The following RAP1A variants were observed in gnomAD, a reference collection of about 807,000 sequenced individuals.
RAP1A encodes the protein RAP1A, member of RAS oncogene family.
A neutral mutation model predicts 26.4 loss-of-function variants in RAP1A; 6 were observed. That is an observed-to-expected ratio of 0.23 (90% confidence interval 0.12 to 0.45). RAP1A has a LOEUF of 0.45. Among genes scored for constraint, RAP1A ranks in the 20% least tolerant of loss-of-function variants. The pLI, the probability that RAP1A is intolerant of heterozygous loss-of-function variation, is 0.99. For missense variants in RAP1A, 121 were observed against 217.2 expected, an observed-to-expected ratio of 0.56 and a Z score of 2.78; for synonymous variants, 73 against 79.4, an observed-to-expected ratio of 0.92 and a Z score of 0.43.
At chr1:111,542,684 GTTTTTGTTTTTGT>G (rs1656879791) in intron 1 of RAP1A, among the ~76,000 whole-genome samples, 1 of 43,760 alleles carries the variant, frequency 2.3e-5, no homozygotes, top group Non-Finnish European at 7.0e-5. Flanking sequence ...ACTTGTCTTT[GTTTTTGTTTTTGT>G]TTTTTTTTTC....
chr1:111,678,602 T>C (rs1312580101), intron 1 of RAP1A, among the ~76,000 whole-genome samples: 1 of 152,236 alleles, frequency 6.6e-6, no homozygotes, highest in East Asian at 1.9e-4. Flanking sequence ...CATATTACTG[T>C]ACAGAATACT....
intron 1 of RAP1A, among the ~76,000 whole-genome samples, chr1:111,643,987 T>A (rs1229437811): frequency 6.6e-6 from 1 of 152,258 alleles, no homozygotes; most frequent in East Asian, 1.9e-4. Context: ...CAGCGAAACC[T>A]GAGTTTTGCT....
intron 1 of RAP1A, among the ~76,000 whole-genome samples, chr1:111,612,249 T>C (rs1029712813): frequency 6.6e-6 from 1 of 152,210 alleles, no homozygotes; most frequent in Non-Finnish European, 1.5e-5. Flanking sequence ...CAGCTGTGTC[T>C]TGCCTGGTGC....
At chr1:111,645,980 A>C (rs1248541923) in intron 1 of RAP1A, among the ~76,000 whole-genome samples, 1 of 152,234 alleles carries the variant, frequency 6.6e-6, no homozygotes, top group African/African-American at 2.4e-5. Context: ...TTTTCCTCAG[A>C]TTACACACAC....
At chr1:111,607,713 G>T (rs1285040825) in intron 1 of RAP1A, among the ~76,000 whole-genome samples, 1 of 133,212 alleles carries the variant, frequency 7.5e-6, no homozygotes. Flanking sequence ...CCTCCCTCCC[G>T]GACGGGGCGG....
Position 111,671,589 on chromosome 1 carries a change from C to T in RAP1A, c.-27-19745C>T, listed in dbSNP as rs539226997. Among the ~76,000 whole-genome samples, 3 of 152,254 alleles carry T rather than the reference C, an allele frequency of 2.0e-5. No homozygotes were observed. The East Asian group carries it at 5.8e-4, about 29-fold the overall frequency. ...TCCCTGGTTCAAGCGATTCTTGTGC[C>T]TCAGCCTCCCGGGTAGCTGGGATTA... On this transcript the variant is annotated intron_variant, in intron 1 of 7. Transcript: ENST00000369709.
At chr1:111,644,355 G>T (rs1660000712) in intron 1 of RAP1A, among the ~76,000 whole-genome samples, 1 of 152,126 alleles carries the variant, frequency 6.6e-6, no homozygotes, top group East Asian at 1.9e-4. Flanking sequence ...AGGGACCTAG[G>T]TAATAGTAAG....
chr1:111,677,542 T>C (rs1485566938), intron 1 of RAP1A, among the ~76,000 whole-genome samples: 3 of 152,214 alleles, frequency 2.0e-5, no homozygotes, highest in South Asian at 2.1e-4. Flanking sequence ...GCTGCAGATA[T>C]TTGTTTTAAG....
chr1:111,648,691 C>A, intron 1 of RAP1A: 1 of 556,842 alleles, frequency 1.8e-6, no homozygotes, highest in Non-Finnish European at 3.4e-6. Context: ...TGTCTCAGCT[C>A]TGTGAGCGTC....
rs950348999 is a variant in RAP1A at position 111,564,058 on chromosome 1, G to C, written c.-28+21549G>C. On this transcript the variant is annotated intron_variant, in intron 1 of 7. Transcript: ENST00000356415. ...GAGAACCAGGAATTCCCTGTTTTGG[G>C]GGGTAGAGAATTGGACATACTCATA... 2.7e-5 allele frequency: 22 copies of C among 815,518 alleles called. No individual in the cohort carries two copies. In the Admixed American group the frequency reaches 3.3e-4, roughly 12 times the overall value. 50.5% of individuals were successfully genotyped at this position (815,518 alleles called of 1,614,324 possible). A position where few individuals can be genotyped will look rare whatever the true frequency, so the allele number is the denominator to read the frequency against.
At position 111,716,328 on chromosome 1, in the gene RAP1A, A is replaced by G. The variant is rs1662541133; in HGVS notation, c.*3927A>G. On this transcript the variant is annotated 3_prime_UTR_variant, in exon 8 of 8. Transcript: ENST00000369709. ...TGTAAAAACTGTAAGTTATTCTTGA[A>G]AATGTAGTCCAGACATTTCTTTGAT... 6.6e-6 allele frequency: 1 copy of G among 152,224 alleles called. No homozygotes were observed. The allele number at this position is 152,224 out of a possible 1,614,324, so 9.4% of individuals were successfully genotyped here. A position where few individuals can be genotyped will look rare whatever the true frequency, so the allele number is the denominator to read the frequency against.
rs1011045000 is a variant in RAP1A, at chr1:111,699,857, C to A, written c.183+2360C>A. On this transcript the variant is annotated intron_variant, in intron 4 of 7. Coordinates refer to ENST00000369709, the MANE Select transcript of RAP1A (RefSeq NM_002884.4). ...TTTTATTATCCCTTATATCTTCAAC[C>A]CCCTCTGCATATAGCTTCAGGTCCA... 2.6e-5 allele frequency among the ~76,000 whole-genome samples: 4 copies of A among 152,228 alleles called. No homozygotes were observed. The South Asian group carries it at 8.3e-4, about 32-fold the overall frequency.
intron 1 of RAP1A, among the ~76,000 whole-genome samples, chr1:111,688,822 G>GT (rs767753356): frequency 0.2 from 17,944 of 89,870 alleles, 1,422 homozygotes; most frequent in Non-Finnish European, 0.26. Flanking sequence ...TTTTTTTTTT[G>GT]TTTTTTTTTT....
intron 1 of RAP1A, among the ~76,000 whole-genome samples, chr1:111,654,570 T>C (rs1359511089): frequency 6.6e-6 from 1 of 152,180 alleles, no homozygotes; most frequent in Non-Finnish European, 1.5e-5. Flanking sequence ...TCCAAAGTGG[T>C]GATTATAATA....
chr1:111,639,847 C>T (rs1310739524), intron 1 of RAP1A, among the ~76,000 whole-genome samples: 3 of 152,128 alleles, frequency 2.0e-5, no homozygotes, highest in African/African-American at 7.2e-5. Context: ...TGTGGGTCTG[C>T]GTCTATCAAA....
rs906149240 is a variant in RAP1A, at chr1:111,681,271, C to T, written c.-27-10063C>T. Among the ~76,000 whole-genome samples, 5 of 152,072 alleles carry T rather than the reference C, an allele frequency of 3.3e-5. 1 individual carries two copies. The highest frequency in any genetic ancestry group is 1.3e-4 in the Admixed American group (2 of 15,250). On this transcript the variant is annotated intron_variant, in intron 1 of 7. Transcript: ENST00000369709. The stretch of plus-strand genomic sequence containing the variant: ...TCAGGGGAAAAAATGCTGAAAATTC[C>T]GAAAACCAGCATGCCTCTTCTCCTC...
At chr1:111,613,380 T>C (rs1658960460) in intron 1 of RAP1A, among the ~76,000 whole-genome samples, 1 of 152,094 alleles carries the variant, frequency 6.6e-6, no homozygotes, top group African/African-American at 2.4e-5. Context: ...TTTGTATTTT[T>C]AGTAGAGACG....
chr1:111,651,981 T>TTTATTTTTTTG (rs1660288278), intron 1 of RAP1A, among the ~76,000 whole-genome samples: 2 of 152,060 alleles, frequency 1.3e-5, no homozygotes, highest in Admixed American at 1.3e-4. Flanking sequence ...TATTTTTATT[T>TTTATTTTTTTG]TTATTTTTTT....
At chr1:111,613,994 C>T (rs1312437414) in intron 1 of RAP1A, among the ~76,000 whole-genome samples, 1 of 152,178 alleles carries the variant, frequency 6.6e-6, no homozygotes, top group Non-Finnish European at 1.5e-5. Flanking sequence ...TTACTAAGAA[C>T]CTACTATATT....
Sources: allele counts gnomAD v4.1 joint callset (sites outside exome capture counted in the v4.1 genomes callset), GRCh38; gene constraint gnomAD v4.1.1; transcripts MANE v1.5; gene names NCBI Gene and HGNC (gene_info 2026-07-23, HGNC 2026-07-21).